KRCC1: variants seen among roughly 807,000 people sequenced by gnomAD.
KRCC1 encodes lysine rich coiled-coil 1.
A neutral mutation model predicts 7.4 loss-of-function variants in KRCC1; 3 were observed. The observed-to-expected ratio is 0.40, with a 90% CI of 0.18 to 1.04. The LOEUF (loss-of-function observed/expected upper bound fraction) is 1.04. Among genes scored for constraint, KRCC1 ranks in the 50% least tolerant of loss-of-function variants. KRCC1 has a pLI of 0.33. For missense variants in KRCC1, 277 were observed against 300.9 expected (o/e 0.92, Z 0.59); for synonymous variants, 102 against 101.6 (o/e 1.00, Z -0.02).
chr2:88,029,559 A>T (rs1210541915), intron 3 of KRCC1, among the ~76,000 whole-genome samples: 9 of 152,010 alleles, frequency 5.9e-5, no homozygotes, highest in Non-Finnish European at 1.3e-4. Context: ...TTGGTGAAAA[A>T]AGCATTCTAG....
At position 88,034,154 on chromosome 2, in the gene KRCC1, G is replaced by A. The variant is rs1673048636; in HGVS notation, c.-43C>T. On this transcript the variant is annotated 5_prime_UTR_variant, in exon 3 of 4. An upstream open reading frame in the 5' UTR gains an earlier in-frame stop. Transcript: ENST00000347055. ...CTTACCCTTATCAGGCTGAGAATTT[G>A]GTGGAGAAATCTGATCATATTCACT... The A allele has an allele frequency of 6.6e-6, 1 of 152,570 alleles. No individual in the cohort carries two copies. The highest frequency in any genetic ancestry group is 2.4e-5 in the African/African-American group (1 of 41,428). 9.5% of individuals were successfully genotyped at this position (152,570 alleles called of 1,614,324 possible).
chr2:88,050,101 T>G (rs1320496317), intron 1 of KRCC1, among the ~76,000 whole-genome samples: 2 of 152,252 alleles, frequency 1.3e-5, no homozygotes, highest in Admixed American at 1.3e-4. Context: ...TAGTACCAAG[T>G]ATAATATCTG....
chr2:88,055,412 C>G (rs1005352079), intron 1 of KRCC1, among the ~76,000 whole-genome samples: 2 of 152,018 alleles, frequency 1.3e-5, no homozygotes, highest in African/African-American at 2.4e-5. Flanking sequence ...GCAAGCCGAG[C>G]GCCCCTTCCC....
chr2:88,040,634 A>G (rs1228367676), intron 1 of KRCC1, among the ~76,000 whole-genome samples: 2 of 152,240 alleles, frequency 1.3e-5, no homozygotes, highest in Non-Finnish European at 2.9e-5. Flanking sequence ...CAGATATTAA[A>G]CCTTGGTTTA....
chr2:88,047,415 C>T (rs964079965), intron 1 of KRCC1, among the ~76,000 whole-genome samples: 1 of 152,038 alleles, frequency 6.6e-6, no homozygotes, highest in Non-Finnish European at 1.5e-5. Flanking sequence ...AAATGTTTTT[C>T]AGACATCTCA....
intron 1 of KRCC1, among the ~76,000 whole-genome samples, chr2:88,053,856 T>C (rs1040798950): frequency 4.6e-5 from 7 of 152,192 alleles, no homozygotes; most frequent in African/African-American, 1.4e-4. Flanking sequence ...GTGTCTCTCT[T>C]GGAAAAAGGA....
intron 3 of KRCC1, 79 bp from the exon 4 acceptor site, chr2:88,028,664 T>C (rs143229296): frequency 0.054 from 39,367 of 731,794 alleles, 456 homozygotes; most frequent in Non-Finnish European, 0.059. Flanking sequence ...TTTTTTTTTT[T>C]CTTGAGATGG....
chr2:88,050,473 A>ATT (rs1673451012), intron 1 of KRCC1, among the ~76,000 whole-genome samples: 1 of 152,182 alleles, frequency 6.6e-6, no homozygotes, highest in Non-Finnish European at 1.5e-5. Flanking sequence ...AAACACAAAA[A>ATT]TTAGCTGGGC....
chr2:88,047,569 C>T (rs1474150891), intron 1 of KRCC1, among the ~76,000 whole-genome samples: 1 of 152,146 alleles, frequency 6.6e-6, no homozygotes, highest in African/African-American at 2.4e-5. Context: ...CTCACTGTCT[C>T]CCAGGCTAGA....
chr2:88,037,841 A>G (rs1336816178), intron 1 of KRCC1, among the ~76,000 whole-genome samples: 5 of 152,206 alleles, frequency 3.3e-5, no homozygotes, highest in Admixed American at 1.3e-4. Context: ...AGCTTCTACA[A>G]CTTTTGCTGA....
chr2:88,047,276 C>T (rs1170427292), intron 1 of KRCC1, among the ~76,000 whole-genome samples: 3 of 151,940 alleles, frequency 2.0e-5, no homozygotes, highest in Non-Finnish European at 4.4e-5. Flanking sequence ...AAGAACAGGG[C>T]CTTGCTATGT....
chr2:88,030,140 G>A (rs1022411277), intron 3 of KRCC1, among the ~76,000 whole-genome samples: 8 of 150,518 alleles, frequency 5.3e-5, no homozygotes, highest in Non-Finnish European at 8.9e-5. Flanking sequence ...GAGCCACTGT[G>A]TCCCACCTGC....
In KRCC1 at chr2:88,027,897, G is replaced by A. The variant is rs563199788; in HGVS notation, c.667C>T (p.Arg223Ter). Residue 223 changes from arginine to a stop codon, truncating the protein, a stop_gained, in exon 4 of 4, where the codon CGA becomes TGA. Transcript: ENST00000347055. LOFTEE classifies it high-confidence loss of function. ...TCCTCTTTCTTAGAGACTACATCTCGGCTTTTTTTCTCCTTTCGATTCTTA... is the reference window on the plus strand; with the variant it reads ...TCCTCTTTCTTAGAGACTACATCTCAGCTTTTTTTCTCCTTTCGATTCTTA... Reference protein sequence around the residue: ...KLKNRKEKKSRDVVSKKEERK... With the variant: ...KLKNRKEKKS 6.8e-6 allele frequency: 11 copies of A among 1,613,694 alleles called. No homozygotes were observed. The highest frequency in any genetic ancestry group is 9.3e-6 in the Non-Finnish European group (11 of 1,179,930).
chr2:88,045,965 C>A (rs1251554566), intron 1 of KRCC1, among the ~76,000 whole-genome samples: 1 of 152,160 alleles, frequency 6.6e-6, no homozygotes, highest in African/African-American at 2.4e-5. Context: ...CAGGCGTGAG[C>A]CACCGTGCCC....
intron 3 of KRCC1, among the ~76,000 whole-genome samples, chr2:88,032,674 G>A (rs1673017415): frequency 6.6e-6 from 1 of 152,048 alleles, no homozygotes; most frequent in Non-Finnish European, 1.5e-5. Flanking sequence ...ACAGGTGAAT[G>A]GATTAAATCA....
intron 3 of KRCC1, among the ~76,000 whole-genome samples, chr2:88,032,413 G>A (rs1464391365): frequency 6.6e-6 from 1 of 152,090 alleles, no homozygotes; most frequent in African/African-American, 2.4e-5. Flanking sequence ...ACTGTCTACA[G>A]TACTCAGTAT....
intron 3 of KRCC1, among the ~76,000 whole-genome samples, chr2:88,032,570 G>A (rs180869582): frequency 3.9e-5 from 6 of 152,176 alleles, no homozygotes; most frequent in Admixed American, 6.5e-5. Flanking sequence ...GGTCGTTAAC[G>A]GACACATGAC....
Position 88,039,457 on chromosome 2 carries a change from C to T in KRCC1, c.-290-2406G>A, listed in dbSNP as rs1401098272. ...ATCCCAGCATTTTGGGAGGCAGAGG[C>T]GGGCGGATTACTTGAGCCCAGGAGT... is the stretch of plus-strand genomic sequence containing the variant. On this transcript the variant is annotated intron_variant, in intron 1 of 3. Transcript: ENST00000347055. Among the ~76,000 whole-genome samples, 8 of 152,136 alleles carry T rather than the reference C, an allele frequency of 5.3e-5. No homozygotes were observed. The East Asian group carries it at 5.8e-4, about 11-fold the overall frequency.
chr2:88,029,241 T>G (rs909004840), intron 3 of KRCC1, among the ~76,000 whole-genome samples: 1 of 152,180 alleles, frequency 6.6e-6, no homozygotes, highest in African/African-American at 2.4e-5. Flanking sequence ...AATGTTCAAT[T>G]AATTTCTGAA....
Sources: gnomAD v4.1 joint callset for allele counts (sites outside exome capture counted in the v4.1 genomes callset) on GRCh38, gnomAD v4.1.1 for gene constraint, MANE v1.5 for transcripts, NCBI Gene and HGNC (gene_info 2026-07-23, HGNC 2026-07-21) for gene names.